The following RHPN2 variants were observed in gnomAD, a reference collection of about 807,000 sequenced individuals.
RHPN2 encodes rhophilin Rho GTPase binding protein 2.
Under a neutral mutation model 79.0 loss-of-function variants are expected in RHPN2, and 40 were observed. That is an observed-to-expected ratio of 0.51 (90% CI 0.39 to 0.66). The LOEUF (loss-of-function observed/expected upper bound fraction) is 0.66. Ranked by LOEUF, RHPN2 falls within the 30% of genes least tolerant of loss-of-function variation. The pLI, the probability that RHPN2 is intolerant of heterozygous loss-of-function variation, is 0.00. For synonymous variants in RHPN2, 285 were observed against 363.5 expected (o/e 0.78, Z 2.46); for missense variants, 686 against 883.5 (o/e 0.78, Z 2.83).
chr19:33,034,783 C>T (rs1304328124), intron 2 of RHPN2, among the ~76,000 whole-genome samples: 3 of 50,888 alleles, frequency 5.9e-5, no homozygotes, highest in South Asian at 1.0e-3. Context: ...GACTCCATCT[C>T]AAAAAAAAAA....
intron 12 of RHPN2, among the ~76,000 whole-genome samples, chr19:32,992,440 C>T (rs765433737): frequency 2.0e-4 from 30 of 152,316 alleles, no homozygotes; most frequent in Non-Finnish European, 4.0e-4. Flanking sequence ...ATCCGCCCGC[C>T]TCAGCCTCCC....
intron 1 of RHPN2, among the ~76,000 whole-genome samples, chr19:33,049,939 G>A (rs566536558): frequency 6.6e-6 from 1 of 152,218 alleles, no homozygotes; most frequent in South Asian, 2.1e-4. Context: ...ATGGGTGATG[G>A]CTGCCCACCA....
chr19:33,027,265 A>C (rs1178740299), intron 2 of RHPN2: 2 of 152,622 alleles, frequency 1.3e-5, no homozygotes, highest in Admixed American at 6.5e-5. Context: ...AAAAAAAAAA[A>C]AAAAAAGAAA....
At chr19:33,019,290 C>G (rs1971904198) in intron 4 of RHPN2, among the ~76,000 whole-genome samples, 1 of 151,406 alleles carries the variant, frequency 6.6e-6, no homozygotes, top group Non-Finnish European at 1.5e-5. Flanking sequence ...ACGAAAAATA[C>G]AAAAATTAGC....
At chr19:32,992,568 T>A (rs1302828623) in intron 12 of RHPN2, among the ~76,000 whole-genome samples, 2 of 152,122 alleles carry the variant, frequency 1.3e-5, no homozygotes, top group Admixed American at 1.3e-4. Context: ...AAGCACTTTG[T>A]GTGACCAAGG....
At chr19:33,033,178 G>C (rs1972026529) in intron 2 of RHPN2, among the ~76,000 whole-genome samples, 1 of 152,078 alleles carries the variant, frequency 6.6e-6, no homozygotes, top group African/African-American at 2.4e-5. Context: ...ACAAATTTTA[G>C]TTCATGGAAG....
chr19:33,003,823 CG>C (rs1384774704), intron 7 of RHPN2, among the ~76,000 whole-genome samples: 2 of 152,014 alleles, frequency 1.3e-5, no homozygotes, highest in African/African-American at 4.8e-5. Flanking sequence ...GCTGGAAAAG[CG>C]GGCAATGGGA....
At chr19:33,008,432 T>A (rs956488572) in intron 6 of RHPN2, among the ~76,000 whole-genome samples, 2 of 151,404 alleles carry the variant, frequency 1.3e-5, no homozygotes, top group Admixed American at 6.6e-5. Flanking sequence ...TTTTTTTTTT[T>A]AATTTTTGTA....
In RHPN2 at chr19:32,980,077, C is replaced by T. The variant is rs756655463; in HGVS notation, c.1980G>A (p.Ser660=). Residue 660 remains serine, a synonymous_variant, in exon 15 of 15, where the codon TCG becomes TCA. Transcript: ENST00000254260. ...TGACCTGAGGCCGTGCAGCCCCGACCGATGGGAGGCACAAGGTGCTGGCTG... is the reference window on the plus strand; with the variant it reads ...TGACCTGAGGCCGTGCAGCCCCGACTGATGGGAGGCACAAGGTGCTGGCTG... ...QKSASTLCLP[S]VGAARPQVKK... 4.3e-6 allele frequency: 7 copies of T among 1,613,714 alleles called. No individual in the cohort carries two copies. Among genetic ancestry groups the T allele is most frequent in the African/African-American group, 1.3e-5 (1 of 74,886 alleles).
At chr19:33,033,057 G>C (rs1972025736) in intron 2 of RHPN2, among the ~76,000 whole-genome samples, 1 of 152,272 alleles carries the variant, frequency 6.6e-6, no homozygotes, top group South Asian at 2.1e-4. Flanking sequence ...TAAAATGAGG[G>C]AAGATAAATA....
At chr19:33,036,870 G>GCCCC (rs199550754) in intron 2 of RHPN2, among the ~76,000 whole-genome samples, 1,796 of 140,494 alleles carry the variant, frequency 0.013, 56 homozygotes, top group African/African-American at 0.048. Context: ...CCATGCCTGA[G>GCCCC]CCCCCCCGCC....
chr19:33,002,345 T>G lies in RHPN2; in HGVS notation c.1007A>C (p.Asn336Thr), dbSNP rs528401920. Residue 336 changes from asparagine to threonine, a missense_variant, in exon 9 of 15, where the codon AAC (asparagine) becomes ACC (threonine). Physicochemically the swap from Asn to Thr is moderately conservative, Grantham distance 65. Coordinates refer to ENST00000254260, the MANE Select transcript of RHPN2 (RefSeq NM_033103.5). ...AAMSQAPVKE[N>T]IPYSWASLAC... The stretch of plus-strand genomic sequence containing the variant: ...TAAGCTGGCCCAGGAGTAGGGGATG[T>G]TCTCTTTCACCGGCGCCTGGCTCAT... 112 of 1,613,948 alleles carry G rather than the reference T, an allele frequency of 6.9e-5. No homozygotes were observed. In the East Asian group the frequency reaches 2.3e-3, roughly 33 times the overall value.
intron 2 of RHPN2, among the ~76,000 whole-genome samples, chr19:33,030,585 T>C (rs1425514724): frequency 1.3e-5 from 2 of 151,484 alleles, no homozygotes; most frequent in African/African-American, 2.4e-5. Context: ...AGAGCAAGAC[T>C]CCATCACAAA....
chr19:33,002,168 G>T, intron 9 of RHPN2, 79 bp downstream of exon 9: 1 of 1,520,834 alleles, frequency 6.6e-7, no homozygotes, highest in South Asian at 1.2e-5. Context: ...AAGGCAGTTA[G>T]CTCTCACTCA....
At chr19:32,998,600 T>C (rs1005083839) in intron 10 of RHPN2, among the ~76,000 whole-genome samples, 5 of 151,502 alleles carry the variant, frequency 3.3e-5, no homozygotes, top group African/African-American at 1.2e-4. Flanking sequence ...TGAGCTGTGA[T>C]TGCACTACTG....
chr19:33,037,911 A>G (rs1372792896), intron 2 of RHPN2, among the ~76,000 whole-genome samples: 2 of 152,202 alleles, frequency 1.3e-5, no homozygotes, highest in African/African-American at 4.8e-5. Context: ...CCTCCTCTCA[A>G]AAAATAAATA....
chr19:33,005,509 T>G lies in RHPN2; in HGVS notation c.760+2505A>C, dbSNP rs548436409. ...TCTGACTTCTTTGTAGTTTAGAAAA[T>G]TAACTGTCCAAAGCGCTAACTGACA... On this transcript the variant is annotated intron_variant, in intron 7 of 14. Coordinates refer to ENST00000254260, the MANE Select transcript of RHPN2 (RefSeq NM_033103.5). Among the ~76,000 whole-genome samples the G allele has an allele frequency of 6.7e-5, 10 of 149,572 alleles. No individual in the cohort carries two copies. In the South Asian group the frequency reaches 2.1e-3, roughly 32 times the overall value.
chr19:33,035,960 C>T (rs1972052424), intron 2 of RHPN2, among the ~76,000 whole-genome samples: 1 of 151,600 alleles, frequency 6.6e-6, no homozygotes, highest in African/African-American at 2.4e-5. Flanking sequence ...ACTAAAAATA[C>T]AAAAAAATTA....
At chr19:33,005,966 T>C (rs1317222396) in intron 7 of RHPN2, among the ~76,000 whole-genome samples, 1 of 152,136 alleles carries the variant, frequency 6.6e-6, no homozygotes, top group Non-Finnish European at 1.5e-5. Context: ...CGATCTTGGC[T>C]TACCACAACC....
Sources: allele counts gnomAD v4.1 joint callset (sites outside exome capture counted in the v4.1 genomes callset), GRCh38; gene constraint gnomAD v4.1.1; transcripts MANE v1.5; gene names NCBI Gene and HGNC (gene_info 2026-07-23, HGNC 2026-07-21).